WDR70: variants seen among roughly 807,000 people sequenced by gnomAD.
WDR70 encodes WD repeat-containing protein 70.
A neutral mutation model predicts 88.6 loss-of-function variants in WDR70; 53 were observed. The ratio of observed to expected loss-of-function variants is 0.60; its 90% CI spans 0.48 to 0.75. The LOEUF (loss-of-function observed/expected upper bound fraction) is 0.75, where lower values mean the gene tolerates loss of function less well. Ranked by LOEUF, WDR70 falls within the 30% of genes least tolerant of loss-of-function variation. WDR70 has a pLI of 0.00. For missense variants in WDR70, 610 were observed against 823.2 expected, an observed-to-expected ratio of 0.74 and a Z score of 3.17; for synonymous variants, 280 against 270.0, an observed-to-expected ratio of 1.04 and a Z score of -0.36.
At chr5:37,445,014 G>C (rs1738412664) in intron 7 of WDR70, among the ~76,000 whole-genome samples, 1 of 152,146 alleles carries the variant, frequency 6.6e-6, no homozygotes, top group Admixed American at 6.6e-5. Flanking sequence ...CCGTGCACCT[G>C]GTTCCTAACA....
At chr5:37,552,024 G>A (rs1022419815) in intron 9 of WDR70, among the ~76,000 whole-genome samples, 3 of 151,816 alleles carry the variant, frequency 2.0e-5, no homozygotes, top group Non-Finnish European at 2.9e-5. Flanking sequence ...CAGCTGCTTC[G>A]ACCTCCCAAA....
intron 9 of WDR70, among the ~76,000 whole-genome samples, chr5:37,559,095 A>G (rs967324737): frequency 6.6e-6 from 1 of 151,566 alleles, no homozygotes; most frequent in African/African-American, 2.4e-5. Flanking sequence ...CACCATGCCC[A>G]GTTAATTTTT....
intron 17 of WDR70, among the ~76,000 whole-genome samples, chr5:37,733,960 T>C (rs1456899500): frequency 6.6e-6 from 1 of 152,032 alleles, no homozygotes; most frequent in Non-Finnish European, 1.5e-5. Flanking sequence ...ATAACTTATT[T>C]GTGTATGGAA....
In WDR70 at chr5:37,448,001, G is replaced by A. The variant is rs371462559; in HGVS notation, c.686+4629G>A. Among the ~76,000 whole-genome samples, 239 of 152,196 alleles carry A rather than the reference G, an allele frequency of 1.6e-3. 2 individuals are homozygous for A. Among genetic ancestry groups the A allele is most frequent in the African/African-American group, 5.6e-3 (231 of 41,540 alleles). The stretch of plus-strand genomic sequence containing the variant: ...TGTTATTTGGTTACCCTGAAATATA[G>A]TTACTACTGAAGAGGCAGGATAAAA... On this transcript the variant is annotated intron_variant, in intron 7 of 17. Coordinates refer to ENST00000265107, the MANE Select transcript of WDR70 (RefSeq NM_018034.4).
At chr5:37,739,161 G>A (rs1019291268) in intron 17 of WDR70, among the ~76,000 whole-genome samples, 9 of 152,098 alleles carry the variant, frequency 5.9e-5, no homozygotes, top group African/African-American at 1.2e-4. Context: ...TAAATTAGTC[G>A]TCAGAAACAT....
chr5:37,735,311 T>C lies in WDR70; in HGVS notation c.1877+8266T>C, dbSNP rs1748270738. Among the ~76,000 whole-genome samples, 3 of 152,178 alleles carry C rather than the reference T, an allele frequency of 2.0e-5. No homozygotes were observed. In the South Asian group the frequency reaches 6.2e-4, roughly 31 times the overall value. On this transcript the variant is annotated intron_variant, in intron 17 of 17. Coordinates refer to ENST00000265107, the MANE Select transcript of WDR70 (RefSeq NM_018034.4). ...TTCTGCATTAGAGATGATTCAGTTA[T>C]GTTTACAAATGAATTCGTGCTAGCA...
chr5:37,701,289 T>C (rs765885999), intron 12 of WDR70, 147 bp downstream of exon 12: 14 of 563,744 alleles, frequency 2.5e-5, no homozygotes, highest in Non-Finnish European at 4.2e-5. Context: ...TTGAAAAATA[T>C]GTATTTTTTT....
At chr5:37,475,840 C>T (rs1469459031) in intron 7 of WDR70, among the ~76,000 whole-genome samples, 1 of 108,614 alleles carries the variant, frequency 9.2e-6, no homozygotes, top group Non-Finnish European at 1.7e-5. Context: ...TTTTGCATTA[C>T]ATATTTTTTT....
rs561811805 is a variant in WDR70, at chr5:37,507,826, AT to A, written c.841-8686del. Among the ~76,000 whole-genome samples, 6 of 152,242 alleles carry A rather than the reference AT, an allele frequency of 3.9e-5. No homozygotes were observed. In the South Asian group the frequency reaches 1.2e-3, roughly 32 times the overall value. ...AAATATTTTTTGGTTTCTAACTGTC[AT>A]TGGTAGTGCATAGAAATTTTATTGA... On this transcript the variant is annotated intron_variant, in intron 8 of 17. Transcript: ENST00000265107.
At chr5:37,428,719 G>A (rs1421055147) in intron 5 of WDR70, among the ~76,000 whole-genome samples, 1 of 152,160 alleles carries the variant, frequency 6.6e-6, no homozygotes, top group Non-Finnish European at 1.5e-5. Context: ...TAAAGCTACT[G>A]TGATCATTCT....
intron 3 of WDR70, among the ~76,000 whole-genome samples, chr5:37,390,340 A>AT (rs11392764): frequency 0.91 from 126,332 of 138,192 alleles, 58,683 homozygotes; most frequent in South Asian, 1. Flanking sequence ...TATAATATAA[A>AT]TTTTTTTTTT....
At chr5:37,695,828 A>C (rs1245823670) in intron 10 of WDR70, among the ~76,000 whole-genome samples, 1 of 152,114 alleles carries the variant, frequency 6.6e-6, no homozygotes, top group Non-Finnish European at 1.5e-5. Context: ...GTATTCATGG[A>C]CATCACACTA....
intron 8 of WDR70, among the ~76,000 whole-genome samples, chr5:37,483,864 C>A (rs1311817133): frequency 1.3e-5 from 2 of 151,994 alleles, no homozygotes; most frequent in Non-Finnish European, 2.9e-5. Context: ...TGGAGGGGCT[C>A]CTCACTTCTC....
intron 5 of WDR70, among the ~76,000 whole-genome samples, chr5:37,435,705 A>G (rs1229206281): frequency 1.3e-5 from 2 of 152,202 alleles, no homozygotes; most frequent in African/African-American, 2.4e-5. Flanking sequence ...AATCTTAGTT[A>G]TCTCTTGCCT....
intron 13 of WDR70, among the ~76,000 whole-genome samples, chr5:37,713,745 A>G (rs1447918992): frequency 6.6e-6 from 1 of 152,240 alleles, no homozygotes; most frequent in Non-Finnish European, 1.5e-5. Flanking sequence ...GTGTAAACAA[A>G]TAATACAGTA....
At chr5:37,698,977 G>T (rs1025770534) in intron 11 of WDR70, among the ~76,000 whole-genome samples, 1 of 152,152 alleles carries the variant, frequency 6.6e-6, no homozygotes, top group Admixed American at 6.5e-5. Context: ...GTTCAGAGAT[G>T]ATTCCCAATT....
At chr5:37,597,991 G>A (rs1465052704) in intron 9 of WDR70, among the ~76,000 whole-genome samples, 1 of 152,114 alleles carries the variant, frequency 6.6e-6, no homozygotes, top group South Asian at 2.1e-4. Flanking sequence ...GCTTTTATAT[G>A]TATGTAGTGT....
At chr5:37,574,383 C>A (rs149271634) in intron 9 of WDR70, among the ~76,000 whole-genome samples, 50 of 152,338 alleles carry the variant, frequency 3.3e-4, no homozygotes, top group African/African-American at 1.1e-3. Flanking sequence ...AGCATACCCC[C>A]CTCCATGGCT....
chr5:37,583,119 C>T (rs981647570), intron 9 of WDR70, among the ~76,000 whole-genome samples: 4 of 152,058 alleles, frequency 2.6e-5, no homozygotes, highest in Non-Finnish European at 5.9e-5. Context: ...AAAATGTATC[C>T]CCCTAGAGTT....
Sources: allele counts gnomAD v4.1 joint callset (sites outside exome capture counted in the v4.1 genomes callset), GRCh38; gene constraint gnomAD v4.1.1; transcripts MANE v1.5; gene names NCBI Gene and HGNC (gene_info 2026-07-23, HGNC 2026-07-21).